Variants in TPST2 observed in about 807,000 individuals in gnomAD.
TPST2 encodes the protein protein-tyrosine sulfotransferase 2.
A neutral mutation model predicts 27.8 loss-of-function variants in TPST2; 16 were observed. The observed-to-expected ratio is 0.58, with a 90% CI of 0.39 to 0.88. The LOEUF (loss-of-function observed/expected upper bound fraction) is 0.88. Among genes scored for constraint, TPST2 ranks in the 40% least tolerant of loss-of-function variants. TPST2 has a pLI of 0.00. For missense variants in TPST2, 464 were observed against 543.1 expected (o/e 0.85, Z 1.45); for synonymous variants, 229 against 231.7 (o/e 0.99, Z 0.10).
chr22:26,568,842 C>T (rs2070133935), intron 1 of TPST2, among the ~76,000 whole-genome samples: 3 of 151,120 alleles, frequency 2.0e-5, no homozygotes, highest in Admixed American at 6.6e-5. Flanking sequence ...CTTGCTTTCA[C>T]TTTATGAACT....
chr22:26,523,265 T>C lies in TPST2; in HGVS notation c.*3010A>G, dbSNP rs1924650848. 6.6e-6 allele frequency: 1 copy of C among 152,252 alleles called. No individual in the cohort carries two copies. The highest frequency in any genetic ancestry group is 2.4e-5 in the African/African-American group (1 of 41,460). 9.4% of individuals were successfully genotyped at this position (152,252 alleles called of 1,614,324 possible). A position where few individuals can be genotyped will look rare whatever the true frequency, so the allele number is the denominator to read the frequency against. On this transcript the variant is annotated 3_prime_UTR_variant, in exon 7 of 7. Coordinates refer to ENST00000338754, the MANE Select transcript of TPST2 (RefSeq NM_003595.5). ...GGAATAACCTATTCAAAATGGTTTT[T>C]TCCATACGTCTTTAAGATGATAATA...
chr22:26,536,182 C>T, intron 4 of TPST2, 106 bp downstream of exon 4: 1 of 1,338,670 alleles, frequency 7.5e-7, no homozygotes, highest in Admixed American at 2.0e-5. Flanking sequence ...ATCAGATGAC[C>T]AGGAATTGAG....
intron 1 of TPST2, among the ~76,000 whole-genome samples, chr22:26,579,392 A>G (rs1213208158): frequency 6.6e-6 from 1 of 152,172 alleles, no homozygotes; most frequent in Non-Finnish European, 1.5e-5. Flanking sequence ...CTGCTAGCCC[A>G]GGCTTCCTCT....
chr22:26,540,793 A>T lies in TPST2; in HGVS notation c.838T>A (p.Ser280Thr). The change falls in exon 3 of 7, where the codon TCC becomes ACC. Residue 280 changes from serine to threonine, a missense_variant. Ser to Thr is a moderately conservative substitution (Grantham distance 58). Transcript: ENST00000338754. ...AGCATCAGGGGCTCCACTCACTTGG[A>T]CAGGGAGACACCACCGGGCTTGCCA... ...LIGKPGGVSL[S>T]KIERSTDQVI... 1.9e-6 allele frequency: 3 copies of T among 1,582,960 alleles called. No homozygotes were observed. Among genetic ancestry groups the T allele is most frequent in the Non-Finnish European group, 2.6e-6 (3 of 1,161,392 alleles).
intron 3 of TPST2, among the ~76,000 whole-genome samples, chr22:26,538,241 G>C (rs551974000): frequency 1.2e-4 from 19 of 152,296 alleles, no homozygotes; most frequent in African/African-American, 4.3e-4. Context: ...AAGGTGAAAG[G>C]GTGTGGACTG....
chr22:26,555,090 T>G, intron 1 of TPST2: 3 of 521,472 alleles, frequency 5.8e-6, no homozygotes, highest in South Asian at 4.2e-5. Flanking sequence ...CCCTCAAATA[T>G]TCTGATTTGG....
intron 6 of TPST2, 122 bp downstream of exon 6, chr22:26,528,092 C>T: frequency 8.6e-7 from 1 of 1,159,068 alleles, no homozygotes; most frequent in Non-Finnish European, 1.2e-6. Flanking sequence ...TGGGTCAGCC[C>T]ACCCTAGTGG....
Position 26,569,968 on chromosome 22 carries a change from G to C in TPST2, c.-161+20085C>G, listed in dbSNP as rs1476874478. 1.8e-4 allele frequency among the ~76,000 whole-genome samples: 5 copies of C among 27,846 alleles called. No homozygotes were observed. The Admixed American group carries it at 2.1e-3, about 12-fold the overall frequency. The allele number at this position is 27,846 out of a possible 152,430, so 18.3% of individuals were successfully genotyped here. On this transcript the variant is annotated intron_variant, in intron 1 of 6. Transcript: ENST00000338754. ...CTCTGTCAAAAAAAAAAAAAAAAAA[G>C]GAAGAAAGAAAGAAAAGAAAGAAAA... is the stretch of plus-strand genomic sequence containing the variant.
intron 1 of TPST2, among the ~76,000 whole-genome samples, chr22:26,576,988 C>G (rs772756200): frequency 2.0e-5 from 3 of 148,470 alleles, no homozygotes; most frequent in Non-Finnish European, 4.5e-5. Context: ...CCCAGCTACT[C>G]GGGAGGCTGA....
chr22:26,551,872 CTTTTCTTTTTCTTTTTTTTTT>C (rs1438686454), intron 1 of TPST2, among the ~76,000 whole-genome samples: 27 of 120,066 alleles, frequency 2.2e-4, no homozygotes, highest in Admixed American at 8.6e-5. Context: ...TTTTCCTTTT[CTTTTCTTTTTCTTTTTTTTTT>C]TTTTTTTTTT....
At chr22:26,581,689 A>G (rs1449271486) in intron 1 of TPST2, among the ~76,000 whole-genome samples, 1 of 152,248 alleles carries the variant, frequency 6.6e-6, no homozygotes, top group Non-Finnish European at 1.5e-5. Context: ...GCTAAGAAAA[A>G]TAAACGTAAA....
At chr22:26,576,027 TAAATAAATA>T (rs1011043942) in intron 1 of TPST2, among the ~76,000 whole-genome samples, 5 of 150,402 alleles carry the variant, frequency 3.3e-5, no homozygotes, top group African/African-American at 1.2e-4. Flanking sequence ...AAATAAAAAA[TAAATAAATA>T]AAATAAAATA....
intron 1 of TPST2, among the ~76,000 whole-genome samples, chr22:26,552,278 G>A (rs1158336273): frequency 6.6e-6 from 1 of 152,260 alleles, no homozygotes; most frequent in East Asian, 1.9e-4. Context: ...GTGGGATCAG[G>A]GGTGACTTCT....
chr22:26,569,385 C>G (rs1927509280), intron 1 of TPST2, among the ~76,000 whole-genome samples: 1 of 152,190 alleles, frequency 6.6e-6, no homozygotes, highest in African/African-American at 2.4e-5. Flanking sequence ...AGCTATTGAT[C>G]CAGGTGCTGG....
In TPST2 at chr22:26,524,486, GAC is replaced by G. The variant is rs1924725146; in HGVS notation, c.*1787_*1788del. The G allele has an allele frequency of 2.6e-5, 4 of 151,356 alleles. 1 individual carries two copies. In the South Asian group the frequency reaches 8.3e-4, roughly 31 times the overall value. The allele number at this position is 151,356 out of a possible 1,614,324, so 9.4% of individuals were successfully genotyped here. A position where few individuals can be genotyped will look rare whatever the true frequency, so the allele number is the denominator to read the frequency against. ...CACGCCACTGTACTCTAGCCTGAGTGACAGAGCGAGATTCTGTCTAAACACAC... is the reference window on the plus strand; with the variant it reads ...CACGCCACTGTACTCTAGCCTGAGTGAGAGCGAGATTCTGTCTAAACACAC... On this transcript the variant is annotated 3_prime_UTR_variant, in exon 7 of 7. Transcript: ENST00000338754.
chr22:26,544,548 G>T (rs1926020528), intron 2 of TPST2, 56 bp downstream of exon 2: 1 of 955,506 alleles, frequency 1.0e-6, no homozygotes, highest in Non-Finnish European at 1.2e-6. Context: ...GACTTTTGGA[G>T]GGCGGTCTCA....
intron 1 of TPST2, among the ~76,000 whole-genome samples, chr22:26,574,948 T>C (rs1927772398): frequency 6.6e-6 from 1 of 152,156 alleles, no homozygotes; most frequent in African/African-American, 2.4e-5. Flanking sequence ...AGATGTGCCA[T>C]GAACTTCCCC....
intron 1 of TPST2, among the ~76,000 whole-genome samples, chr22:26,562,561 A>C (rs1428225147): frequency 6.6e-6 from 1 of 151,942 alleles, no homozygotes; most frequent in Non-Finnish European, 1.5e-5. Flanking sequence ...CCCTTTTCTA[A>C]GATGTAACTG....
chr22:26,547,856 G>T (rs1363761134), intron 1 of TPST2, among the ~76,000 whole-genome samples: 1 of 152,156 alleles, frequency 6.6e-6, no homozygotes, highest in Non-Finnish European at 1.5e-5. Context: ...GTGGTACTCG[G>T]GTGGTAGGTG....
Sources: allele counts gnomAD v4.1 joint callset (sites outside exome capture counted in the v4.1 genomes callset), GRCh38; gene constraint gnomAD v4.1.1; transcripts MANE v1.5; gene names NCBI Gene and HGNC (gene_info 2026-07-23, HGNC 2026-07-21).